NTM: variants seen among roughly 807,000 people sequenced by gnomAD.
NTM encodes the protein neurotrimin, also known as IgLON family member 2.
NTM carries 13 observed loss-of-function variants against 42.1 expected under a neutral mutation model. The ratio of observed to expected loss-of-function variants is 0.31; its 90% CI spans 0.20 to 0.49. The LOEUF (loss-of-function observed/expected upper bound fraction) is 0.49, where lower values mean the gene tolerates loss of function less well. Ranked by LOEUF, NTM falls within the 20% of genes least tolerant of loss-of-function variation. NTM has a pLI of 0.99. For synonymous variants in NTM, 187 were observed against 179.2 expected (o/e 1.04, Z -0.35); for missense variants, 373 against 452.8 (o/e 0.82, Z 1.60).
In NTM at chr11:131,583,628, C is replaced by T. The variant is rs2058608249; in HGVS notation, c.82+212740C>T. Reference sequence around the variant, plus strand: ...TTAATTAGTTATTCCACCAAATATCCTAGGAGGTGCGGATTAATATCTGCT... The same window carrying T: ...TTAATTAGTTATTCCACCAAATATCTTAGGAGGTGCGGATTAATATCTGCT... On this transcript the variant is annotated intron_variant, in intron 1 of 8. Transcript: ENST00000683400. Among the ~76,000 whole-genome samples, 4 of 152,048 alleles carry T rather than the reference C, an allele frequency of 2.6e-5. No homozygotes were observed. In the South Asian group the frequency reaches 6.2e-4, roughly 24 times the overall value.
At chr11:131,877,524 T>G (rs1018204527) in intron 1 of NTM, among the ~76,000 whole-genome samples, 5 of 152,144 alleles carry the variant, frequency 3.3e-5, no homozygotes, top group Non-Finnish European at 4.4e-5. Flanking sequence ...AGGGCCCTTT[T>G]GTATCTCCCC....
chr11:132,245,111 G>T (rs2090904086), intron 4 of NTM, among the ~76,000 whole-genome samples: 2 of 152,306 alleles, frequency 1.3e-5, no homozygotes, highest in East Asian at 3.9e-4. Flanking sequence ...GCTGGATTAG[G>T]CAGAGAGGTT....
intron 1 of NTM, among the ~76,000 whole-genome samples, chr11:131,613,739 G>A (rs975028906): frequency 3.3e-5 from 5 of 152,064 alleles, no homozygotes; most frequent in Admixed American, 6.5e-5. Context: ...CACAGGAGAC[G>A]TGGAGACTCC....
chr11:132,329,991 G>A lies in NTM; in HGVS notation c.935-162G>A, dbSNP rs950300938. ...CAGAAAACCAGAGGGGGGTCACATA[G>A]GAGGGCTGGGCAGTGGTCAGGACAG... On this transcript the variant is annotated intron_variant, in intron 7 of 8. Coordinates refer to ENST00000683400, the MANE Select transcript of NTM (RefSeq NM_001352005.2). 1.5e-5 allele frequency: 11 copies of A among 717,860 alleles called. No individual in the cohort carries two copies. The African/African-American group carries it at 2.1e-4, about 14-fold the overall frequency. The allele number at this position is 717,860 out of a possible 1,614,324, so 44.5% of individuals were successfully genotyped here.
rs866428077 is a variant in NTM, at chr11:132,069,572, G to A, written c.168-76710G>A. ...GCCAAGTTAACACGTCAAACTGACC[G>A]TCACAGGTTAGTTAACACGTCACAC... On this transcript the variant is annotated intron_variant, in intron 2 of 8. Coordinates refer to ENST00000683400, the MANE Select transcript of NTM (RefSeq NM_001352005.2). Among the ~76,000 whole-genome samples, 74 of 114,068 alleles carry A rather than the reference G, an allele frequency of 6.5e-4. No individual in the cohort carries two copies. In the Middle Eastern group the frequency reaches 0.024, roughly 37 times the overall value. 74.8% of individuals were successfully genotyped at this position (114,068 alleles called of 152,430 possible). A position where few individuals can be genotyped will look rare whatever the true frequency, so the allele number is the denominator to read the frequency against.
chr11:131,853,367 C>T (rs1254261360), intron 1 of NTM, among the ~76,000 whole-genome samples: 1 of 152,124 alleles, frequency 6.6e-6, no homozygotes, highest in Non-Finnish European at 1.5e-5. Flanking sequence ...AATCCATTCG[C>T]TATTCTTCCT....
intron 2 of NTM, among the ~76,000 whole-genome samples, chr11:131,947,319 T>C (rs541569930): frequency 6.6e-6 from 1 of 152,300 alleles, no homozygotes; most frequent in East Asian, 1.9e-4. Context: ...CACCTGATGC[T>C]ACTTATCCTC....
chr11:131,789,550 G>GAAGAA (rs2090283401), intron 1 of NTM, among the ~76,000 whole-genome samples: 1 of 6,934 alleles, frequency 1.4e-4, no homozygotes, highest in Non-Finnish European at 2.6e-4. Flanking sequence ...AAGAAGAAAA[G>GAAGAA]AAGAAGAAGA....
chr11:132,238,652 C>G (rs1195755137), intron 4 of NTM, among the ~76,000 whole-genome samples: 1 of 152,098 alleles, frequency 6.6e-6, no homozygotes, highest in Non-Finnish European at 1.5e-5. Flanking sequence ...TGTGGACTCG[C>G]GGAGCTCATT....
chr11:132,100,162 T>C (rs2136536621), intron 2 of NTM, among the ~76,000 whole-genome samples: 1 of 152,376 alleles, frequency 6.6e-6, no homozygotes, highest in African/African-American at 2.4e-5. Flanking sequence ...TTTAACATAT[T>C]GAAAGAAGTT....
chr11:132,223,175 G>A (rs1566513305), intron 4 of NTM, among the ~76,000 whole-genome samples: 1 of 152,190 alleles, frequency 6.6e-6, no homozygotes, highest in South Asian at 2.1e-4. Context: ...TACTGTGTGT[G>A]GGGCAACTCT....
intron 2 of NTM, among the ~76,000 whole-genome samples, chr11:132,078,152 C>G (rs2058600086): frequency 2.0e-5 from 3 of 152,216 alleles, no homozygotes; most frequent in African/African-American, 7.2e-5. Flanking sequence ...CACATCAGGT[C>G]TAACAATGTT....
intron 2 of NTM, among the ~76,000 whole-genome samples, chr11:132,138,571 T>TATCTATC (rs1555279953): frequency 1.6e-4 from 3 of 18,350 alleles, no homozygotes; most frequent in African/African-American, 4.9e-4. Flanking sequence ...AGAATCTATC[T>TATCTATC]ATCTATCTAT....
chr11:131,379,116 T>G (rs936820578), intron 1 of NTM, among the ~76,000 whole-genome samples: 2 of 152,206 alleles, frequency 1.3e-5, no homozygotes, highest in Admixed American at 1.3e-4. Flanking sequence ...CCCAGAGTGT[T>G]CATACTGCTG....
At chr11:131,753,893 A>C (rs2082923104) in intron 1 of NTM, among the ~76,000 whole-genome samples, 1 of 144,406 alleles carries the variant, frequency 6.9e-6, no homozygotes, top group Non-Finnish European at 1.5e-5. Context: ...AAAGTATAAT[A>C]ATAATAAAAT....
At chr11:132,185,772 G>A (rs2078295695) in intron 3 of NTM, among the ~76,000 whole-genome samples, 1 of 152,032 alleles carries the variant, frequency 6.6e-6, no homozygotes, top group African/African-American at 2.4e-5. Flanking sequence ...TAGCTTTCAT[G>A]AAAACTGGGA....
chr11:131,646,368 T>G (rs2065773235), intron 1 of NTM, among the ~76,000 whole-genome samples: 1 of 152,180 alleles, frequency 6.6e-6, no homozygotes, highest in Non-Finnish European at 1.5e-5. Context: ...AGTGGATCCT[T>G]TCTTCTAAAC....
At chr11:131,841,138 G>A (rs752167466) in intron 1 of NTM, among the ~76,000 whole-genome samples, 1 of 152,192 alleles carries the variant, frequency 6.6e-6, no homozygotes, top group Non-Finnish European at 1.5e-5. Context: ...AAAATGACTA[G>A]GATGTTGTTC....
chr11:132,262,040 G>A (rs2092892089), intron 4 of NTM, among the ~76,000 whole-genome samples: 3 of 152,216 alleles, frequency 2.0e-5, no homozygotes, highest in South Asian at 4.1e-4. Context: ...AGTGCAATGA[G>A]CATTCAGCTA....
Sources: allele counts gnomAD v4.1 joint callset (sites outside exome capture counted in the v4.1 genomes callset), GRCh38; gene constraint gnomAD v4.1.1; transcripts MANE v1.5; gene names NCBI Gene and HGNC (gene_info 2026-07-23, HGNC 2026-07-21).